Variants in TRAPPC9 observed in about 807,000 individuals in gnomAD.
TRAPPC9 encodes trafficking protein particle complex subunit 9.
A neutral mutation model predicts 124.0 loss-of-function variants in TRAPPC9; 83 were observed. That is an observed-to-expected ratio of 0.67 (90% CI 0.56 to 0.80). The LOEUF (loss-of-function observed/expected upper bound fraction) is 0.80, where lower values mean the gene tolerates loss of function less well. Among genes scored for constraint, TRAPPC9 ranks in the 30% least tolerant of loss-of-function variants. The pLI, the probability that TRAPPC9 is intolerant of heterozygous loss-of-function variation, is 0.00. For missense variants in TRAPPC9, 1,302 were observed against 1,508.3 expected (o/e 0.86, Z 2.27); for synonymous variants, 638 against 617.5 (o/e 1.03, Z -0.49).
At chr8:140,432,731 G>T (rs935154999) in intron 4 of TRAPPC9, among the ~76,000 whole-genome samples, 1 of 152,078 alleles carries the variant, frequency 6.6e-6, no homozygotes, top group African/African-American at 2.4e-5. Flanking sequence ...AATTAGCCAG[G>T]CGTGGTGGCG....
intron 21 of TRAPPC9, among the ~76,000 whole-genome samples, chr8:139,734,059 G>A (rs1327350472): frequency 9.2e-5 from 14 of 152,234 alleles, no homozygotes; most frequent in East Asian, 1.9e-4. Context: ...GGGGGCAGAG[G>A]GGACAGGATA....
At chr8:140,206,992 A>G (rs2062937247) in intron 17 of TRAPPC9, among the ~76,000 whole-genome samples, 1 of 152,120 alleles carries the variant, frequency 6.6e-6, no homozygotes, top group Non-Finnish European at 1.5e-5. Context: ...CGGAGCTTGA[A>G]GTCTAGTGGG....
chr8:139,874,168 T>C (rs1829175125), intron 21 of TRAPPC9, among the ~76,000 whole-genome samples: 1 of 152,140 alleles, frequency 6.6e-6, no homozygotes, highest in Non-Finnish European at 1.5e-5. Flanking sequence ...GAGTTATAAA[T>C]GGAAAAATGA....
chr8:140,115,157 T>C (rs2060854815), intron 17 of TRAPPC9, among the ~76,000 whole-genome samples: 1 of 152,186 alleles, frequency 6.6e-6, no homozygotes, highest in African/African-American at 2.4e-5. Flanking sequence ...TGGTATAAAA[T>C]GGCACAGTAT....
At position 140,000,313 on chromosome 8, in the gene TRAPPC9, T is replaced by C. The variant is rs1192773588; in HGVS notation, c.2700-11477A>G. Among the ~76,000 whole-genome samples, 9 of 152,146 alleles carry C rather than the reference T, an allele frequency of 5.9e-5. No homozygotes were observed. The East Asian group carries it at 1.5e-3, about 26-fold the overall frequency. ...AACCTAGGCATTGCCATTCAGGACA[T>C]AGGCATGGGCAAAGACTTCATGACT... On this transcript the variant is annotated intron_variant, in intron 18 of 22. Coordinates refer to ENST00000438773, the MANE Select transcript of TRAPPC9 (RefSeq NM_001160372.4).
chr8:140,100,815 C>T (rs1014745628), intron 17 of TRAPPC9, among the ~76,000 whole-genome samples: 8 of 152,174 alleles, frequency 5.3e-5, no homozygotes, highest in African/African-American at 1.9e-4. Flanking sequence ...TCCTAGACTG[C>T]GGGTATTAAC....
intron 17 of TRAPPC9, among the ~76,000 whole-genome samples, chr8:140,157,075 A>G (rs71513614): frequency 0.024 from 1,184 of 48,538 alleles, 112 homozygotes; most frequent in Non-Finnish European, 0.037. Context: ...TTTCCATTCA[A>G]AAGCCTCCCT....
At chr8:139,896,870 C>A (rs1158184262) in intron 20 of TRAPPC9, among the ~76,000 whole-genome samples, 3 of 152,218 alleles carry the variant, frequency 2.0e-5, no homozygotes, top group East Asian at 3.8e-4. Context: ...CCTCAAGGCT[C>A]TTCCTAGGCA....
At chr8:139,952,760 G>A (rs1157354955) in intron 19 of TRAPPC9, among the ~76,000 whole-genome samples, 1 of 152,250 alleles carries the variant, frequency 6.6e-6, no homozygotes, top group African/African-American at 2.4e-5. Context: ...GGTGGCAGCA[G>A]TGACAGTGTC....
chr8:139,951,452 T>G (rs1455304549), intron 19 of TRAPPC9, among the ~76,000 whole-genome samples: 1 of 152,224 alleles, frequency 6.6e-6, no homozygotes, highest in Non-Finnish European at 1.5e-5. Context: ...TTTGCCACTT[T>G]CCCCAGCAGA....
intron 17 of TRAPPC9, among the ~76,000 whole-genome samples, chr8:140,043,030 A>T (rs1841366872): frequency 1.3e-5 from 2 of 152,146 alleles, no homozygotes. Flanking sequence ...AACAAGAGTC[A>T]GGGCCCACCG....
chr8:140,063,095 A>G lies in TRAPPC9; in HGVS notation c.2557-39016T>C, dbSNP rs1390076210. On this transcript the variant is annotated intron_variant, in intron 17 of 22. Coordinates refer to ENST00000438773, the MANE Select transcript of TRAPPC9 (RefSeq NM_001160372.4). The surrounding 1 kb of genome is among the most constrained non-coding windows in gnomAD (Gnocchi z 4.3). ...AACTACTGAACACCTGAACACTTAC[A>G]AACCCATCAGATCCTATGAGAACCC... Among the ~76,000 whole-genome samples the G allele has an allele frequency of 6.6e-6, 1 of 152,158 alleles. No individual in the cohort carries two copies. Among genetic ancestry groups the G allele is most frequent in the Admixed American group, 6.5e-5 (1 of 15,276 alleles).
intron 21 of TRAPPC9, among the ~76,000 whole-genome samples, chr8:139,766,592 G>A (rs1820598384): frequency 6.6e-6 from 1 of 152,318 alleles, no homozygotes; most frequent in Non-Finnish European, 1.5e-5. Flanking sequence ...CAGGACCTGG[G>A]AGTGCACACG....
chr8:139,845,648 G>A (rs1827029745), intron 21 of TRAPPC9, among the ~76,000 whole-genome samples: 1 of 152,204 alleles, frequency 6.6e-6, no homozygotes, highest in Non-Finnish European at 1.5e-5. Context: ...CGCAGTGTGG[G>A]AGCAGCTGTC....
At chr8:139,948,112 C>G (rs1442433226) in intron 19 of TRAPPC9, among the ~76,000 whole-genome samples, 1 of 151,670 alleles carries the variant, frequency 6.6e-6, no homozygotes, top group African/African-American at 2.4e-5. Context: ...CCTTGCATCA[C>G]AGGGTCCTTG....
intron 17 of TRAPPC9, among the ~76,000 whole-genome samples, chr8:140,027,275 C>T (rs1392198220): frequency 1.3e-5 from 2 of 152,102 alleles, no homozygotes; most frequent in Non-Finnish European, 2.9e-5. Flanking sequence ...ATAAATGAAG[C>T]CAACCAACCA....
chr8:140,284,435 G>A (rs942295270), intron 13 of TRAPPC9, among the ~76,000 whole-genome samples: 14 of 152,228 alleles, frequency 9.2e-5, no homozygotes, highest in African/African-American at 3.1e-4. Context: ...ATGCTTCAAA[G>A]CTTTCTGTTG....
intron 21 of TRAPPC9, among the ~76,000 whole-genome samples, chr8:139,790,907 G>T (rs1822613914): frequency 6.6e-6 from 1 of 152,116 alleles, no homozygotes; most frequent in Non-Finnish European, 1.5e-5. Flanking sequence ...CGAGAGGTCT[G>T]ATTGTTTAGG....
At chr8:139,923,777 T>C (rs1306183927) in intron 19 of TRAPPC9, among the ~76,000 whole-genome samples, 2 of 152,210 alleles carry the variant, frequency 1.3e-5, no homozygotes, top group Non-Finnish European at 2.9e-5. Context: ...AAAAGCCTCC[T>C]GGAGAGAACG....
Sources: allele counts gnomAD v4.1 joint callset (sites outside exome capture counted in the v4.1 genomes callset), GRCh38; gene constraint gnomAD v4.1.1; non-coding constraint Gnocchi (gnomAD v3.1); transcripts MANE v1.5; gene names NCBI Gene and HGNC (gene_info 2026-07-23, HGNC 2026-07-21).